The following P3H2 variants were observed in gnomAD, a reference collection of about 807,000 sequenced individuals.
P3H2 encodes leprecan-like 1.
Under a neutral mutation model 87.0 loss-of-function variants are expected in P3H2, and 80 were observed. That is an observed-to-expected ratio of 0.92 (90% CI 0.77 to 1.11). The LOEUF (loss-of-function observed/expected upper bound fraction) is 1.11. Among genes scored for constraint, P3H2 ranks in the 50% least tolerant of loss-of-function variants. The pLI is 0.00. For synonymous variants in P3H2, 367 were observed against 359.3 expected, an observed-to-expected ratio of 1.02 and a Z score of -0.24; for missense variants, 1,001 against 923.9, an observed-to-expected ratio of 1.08 and a Z score of -1.08.
chr3:190,041,135 G>T (rs1205449861), intron 1 of P3H2, among the ~76,000 whole-genome samples: 2 of 135,686 alleles, frequency 1.5e-5, no homozygotes, highest in African/African-American at 5.2e-5. Context: ...AGCTGGGCAT[G>T]GTGGTGCACA....
chr3:190,079,172 C>T (rs1416842015), intron 1 of P3H2, among the ~76,000 whole-genome samples: 3 of 151,908 alleles, frequency 2.0e-5, no homozygotes, highest in Non-Finnish European at 2.9e-5. Flanking sequence ...GAAACCCTGT[C>T]TCTACTAAAA....
At chr3:190,057,544 T>A (rs1412906477) in intron 1 of P3H2, among the ~76,000 whole-genome samples, 1 of 152,148 alleles carries the variant, frequency 6.6e-6, no homozygotes, top group Non-Finnish European at 1.5e-5. Flanking sequence ...ACATCACTCC[T>A]CCACCTGAAG....
chr3:189,972,828 C>A (rs777945068), intron 11 of P3H2, 46 bp downstream of exon 11: 3 of 1,604,760 alleles, frequency 1.9e-6, no homozygotes, highest in South Asian at 2.2e-5. Context: ...TTTCATTTCC[C>A]AATGTATTGT....
chr3:190,112,892 A>G (rs1411580387), intron 1 of P3H2, among the ~76,000 whole-genome samples: 1 of 152,218 alleles, frequency 6.6e-6, no homozygotes, highest in Admixed American at 6.5e-5. Flanking sequence ...AGGGATGAAT[A>G]AAAAGACAGA....
chr3:190,068,724 G>T, intron 1 of P3H2, among the ~76,000 whole-genome samples: 1 of 151,926 alleles, frequency 6.6e-6, no homozygotes, highest in Non-Finnish European at 1.5e-5. Context: ...GAGGGAGAAG[G>T]CTTATCACTT....
rs1560365170 is a variant in P3H2, at chr3:190,019,785, A to ATATATATAT, written c.481-24344_481-24343insATATATATA. On this transcript the variant is annotated intron_variant, in intron 1 of 14. Coordinates refer to ENST00000319332, the MANE Select transcript of P3H2 (RefSeq NM_018192.4). ...ATGTGACATTACCTAGAAATTAAAA[A>ATATATATAT]ATATATATATATATATATATATATA... Among the ~76,000 whole-genome samples the ATATATATAT allele has an allele frequency of 1.6e-3, 60 of 37,378 alleles. 6 individuals are homozygous for ATATATATAT. Among genetic ancestry groups the ATATATATAT allele is most frequent in the African/African-American group, 3.8e-3 (57 of 15,074 alleles). The allele number at this position is 37,378 out of a possible 152,430, so 24.5% of individuals were successfully genotyped here. A position where few individuals can be genotyped will look rare whatever the true frequency, so the allele number is the denominator to read the frequency against.
At chr3:189,969,837 C>A in intron 13 of P3H2, 66 of 1,553,230 alleles carry the variant, frequency 4.2e-5, no homozygotes, top group Non-Finnish European at 5.9e-5. Context: ...ATCTTCATGG[C>A]AGTGGTGGTG....
chr3:190,013,112 G>A (rs560298914), intron 1 of P3H2, among the ~76,000 whole-genome samples: 27 of 152,252 alleles, frequency 1.8e-4, no homozygotes, highest in East Asian at 3.9e-4. Context: ...CCAACTATGC[G>A]TGATAGGCAC....
chr3:189,968,214 A>G (rs964048562), intron 13 of P3H2, among the ~76,000 whole-genome samples: 1 of 152,142 alleles, frequency 6.6e-6, no homozygotes, highest in African/African-American at 2.4e-5. Flanking sequence ...GCTGCACCCC[A>G]TCAAACCATT....
chr3:190,114,148 T>C (rs1280298483), intron 1 of P3H2, among the ~76,000 whole-genome samples: 1 of 149,196 alleles, frequency 6.7e-6, no homozygotes, highest in Non-Finnish European at 1.5e-5. Flanking sequence ...CATGGGAGAA[T>C]ACTTGCAAGC....
At chr3:189,970,403 A>G (rs538283509) in intron 13 of P3H2, among the ~76,000 whole-genome samples, 10 of 150,838 alleles carry the variant, frequency 6.6e-5, no homozygotes, top group African/African-American at 2.2e-4. Flanking sequence ...TTGAAGGCCA[A>G]TGCTCAGTCC....
chr3:189,959,002 TGA>T (rs1280414372), intron 14 of P3H2, among the ~76,000 whole-genome samples: 1 of 152,030 alleles, frequency 6.6e-6, no homozygotes, highest in African/African-American at 2.4e-5. Context: ...CGCTCCCTCT[TGA>T]GAGCCACCAT....
chr3:189,987,423 G>A, intron 5 of P3H2, 104 bp downstream of exon 5: 1 of 1,364,556 alleles, frequency 7.3e-7, no homozygotes, highest in Non-Finnish European at 1.0e-6. Context: ...AGGTTGCGGT[G>A]AGCCAAGATT....
chr3:189,997,490 T>C (rs1424677952), intron 1 of P3H2, among the ~76,000 whole-genome samples: 1 of 152,202 alleles, frequency 6.6e-6, no homozygotes, highest in Non-Finnish European at 1.5e-5. Context: ...TTTGACCATT[T>C]TGCCACTCAA....
chr3:190,049,256 C>T (rs1725899578), intron 1 of P3H2, among the ~76,000 whole-genome samples: 1 of 109,716 alleles, frequency 9.1e-6, no homozygotes, highest in Non-Finnish European at 1.8e-5. Context: ...CCTAACATTT[C>T]AATAGACACA....
chr3:190,096,224 G>A (rs1330892935), intron 1 of P3H2, among the ~76,000 whole-genome samples: 1 of 152,198 alleles, frequency 6.6e-6, no homozygotes, highest in East Asian at 1.9e-4. Flanking sequence ...ATTATTCAGT[G>A]ATACGGTTTG....
At chr3:189,974,172 T>G in intron 9 of P3H2, 168 bp from the exon 10 acceptor site, 1 of 634,872 alleles carries the variant, frequency 1.6e-6, no homozygotes, top group Non-Finnish European at 2.8e-6. Flanking sequence ...AGAGATATCT[T>G]TATTTAATCT....
chr3:190,024,501 C>A (rs1176453474), intron 1 of P3H2, among the ~76,000 whole-genome samples: 1 of 133,648 alleles, frequency 7.5e-6, no homozygotes, highest in Non-Finnish European at 1.5e-5. Flanking sequence ...CAAGATATTG[C>A]CACTGGGCAA....
intron 1 of P3H2, among the ~76,000 whole-genome samples, chr3:190,083,534 G>A (rs1177094731): frequency 6.6e-6 from 1 of 152,142 alleles, no homozygotes. Context: ...AGAAATAAGG[G>A]GGTAGAAATT....
Sources: allele counts gnomAD v4.1 joint callset (sites outside exome capture counted in the v4.1 genomes callset), GRCh38; gene constraint gnomAD v4.1.1; transcripts MANE v1.5; gene names NCBI Gene and HGNC (gene_info 2026-07-23, HGNC 2026-07-21).